Variants in GALNT2 observed in about 807,000 individuals in gnomAD.
GALNT2 encodes polypeptide N-acetylgalactosaminyltransferase 2.
A neutral mutation model predicts 81.4 loss-of-function variants in GALNT2; 31 were observed. That is an observed-to-expected ratio of 0.38 (90% CI 0.29 to 0.51). GALNT2 has a LOEUF of 0.51. GALNT2 is among the 20% of genes least tolerant of loss of function. The probability of loss-of-function intolerance (pLI) is 0.87; values close to 1 mark genes in which losing one functional copy is unlikely to be tolerated. For synonymous variants in GALNT2, 303 were observed against 287.4 expected (o/e 1.05, Z -0.55); for missense variants, 629 against 765.7 (o/e 0.82, Z 2.11).
At chr1:230,082,068 T>A (rs1329657406) in intron 1 of GALNT2, among the ~76,000 whole-genome samples, 1 of 152,188 alleles carries the variant, frequency 6.6e-6, no homozygotes, top group African/African-American at 2.4e-5. Context: ...GACCTGCAGG[T>A]CAGTGGTGAC....
chr1:230,233,030 T>G (rs1664915268), intron 3 of GALNT2, among the ~76,000 whole-genome samples: 1 of 152,232 alleles, frequency 6.6e-6, no homozygotes, highest in African/African-American at 2.4e-5. Flanking sequence ...TTTTCATGTT[T>G]ATTTTCAAAA....
At chr1:230,077,764 A>G (rs1012440474) in intron 1 of GALNT2, among the ~76,000 whole-genome samples, 3 of 152,236 alleles carry the variant, frequency 2.0e-5, no homozygotes, top group Admixed American at 2.0e-4. Context: ...AAAAAAATCC[A>G]TAAAAATACT....
intron 3 of GALNT2, among the ~76,000 whole-genome samples, chr1:230,223,946 G>A (rs1664631810): frequency 6.6e-6 from 1 of 152,226 alleles, no homozygotes; most frequent in African/African-American, 2.4e-5. Flanking sequence ...CTTTTGTGGG[G>A]AGAACTGCAA....
chr1:230,256,902 C>CA (rs1665732698), intron 11 of GALNT2, among the ~76,000 whole-genome samples: 1 of 152,124 alleles, frequency 6.6e-6, no homozygotes, highest in Non-Finnish European at 1.5e-5. Flanking sequence ...GAGAGGTTTT[C>CA]ATGGTCAAGA....
At chr1:230,265,409 G>T (rs552007623) in intron 14 of GALNT2, 42 bp downstream of exon 14, 1 of 1,613,258 alleles carries the variant, frequency 6.2e-7, no homozygotes. Context: ...GGCCCAGAGA[G>T]AGCAGGAGTT....
intron 14 of GALNT2, among the ~76,000 whole-genome samples, chr1:230,274,229 C>CA (rs1666224254): frequency 6.6e-6 from 1 of 152,236 alleles, no homozygotes; most frequent in Non-Finnish European, 1.5e-5. Flanking sequence ...ATCACTCAGC[C>CA]AACTTACTGC....
rs191925117 is a variant in GALNT2 at position 230,246,895 on chromosome 1, A to T, written c.817+745A>T. On this transcript the variant is annotated intron_variant, in intron 8 of 15. Transcript: ENST00000366672. ...GAACTATTCTAGATAGACACTGGGCAGAGGGTTAACTGATGGTCTAACATC... is the reference window on the plus strand; with the variant it reads ...GAACTATTCTAGATAGACACTGGGCTGAGGGTTAACTGATGGTCTAACATC... Among the ~76,000 whole-genome samples the T allele has an allele frequency of 5.3e-3, 809 of 152,246 alleles. 4 individuals are homozygous for T. The highest frequency in any genetic ancestry group is 8.1e-3 in the Non-Finnish European group (548 of 68,024).
At chr1:230,204,251 T>C (rs1426857002) in intron 3 of GALNT2, among the ~76,000 whole-genome samples, 1 of 151,704 alleles carries the variant, frequency 6.6e-6, no homozygotes, top group Non-Finnish European at 1.5e-5. Context: ...CAACCTCTAC[T>C]CCTCTACTTC....
At chr1:230,076,910 G>A (rs540630295) in intron 1 of GALNT2, among the ~76,000 whole-genome samples, 1 of 152,282 alleles carries the variant, frequency 6.6e-6, no homozygotes, top group East Asian at 1.9e-4. Context: ...CTGCGTCAGA[G>A]ACCAGTCCAG....
At chr1:230,145,357 C>T (rs987150224) in intron 1 of GALNT2, among the ~76,000 whole-genome samples, 4 of 152,202 alleles carry the variant, frequency 2.6e-5, no homozygotes, top group African/African-American at 4.8e-5. Context: ...CTCTGGCAGT[C>T]GGGCCTGGGC....
intron 1 of GALNT2, among the ~76,000 whole-genome samples, chr1:230,155,340 T>C (rs566700219): frequency 1.3e-5 from 2 of 152,214 alleles, no homozygotes; most frequent in South Asian, 4.1e-4. Flanking sequence ...GGGCCCTGCC[T>C]GCAGCCGCTG....
chr1:230,188,703 A>G (rs1325288585), intron 2 of GALNT2, among the ~76,000 whole-genome samples: 1 of 152,100 alleles, frequency 6.6e-6, no homozygotes, highest in Admixed American at 6.5e-5. Context: ...TTTTGCCCAT[A>G]AACTCTGTGA....
intron 1 of GALNT2, among the ~76,000 whole-genome samples, chr1:230,083,867 G>T (rs72648055): frequency 5.2e-4 from 79 of 152,228 alleles, no homozygotes; most frequent in African/African-American, 1.9e-3. Context: ...GAAGGGGGCC[G>T]GAGGGGGCCC....
At chr1:230,133,893 T>C (rs954038877) in intron 1 of GALNT2, among the ~76,000 whole-genome samples, 5 of 152,194 alleles carry the variant, frequency 3.3e-5, no homozygotes, top group African/African-American at 9.7e-5. Flanking sequence ...TTTTAGGTAA[T>C]ATTTTCCCCA....
chr1:230,067,145 A>C, upstream of GALNT2: 2 of 299,678 alleles, frequency 6.7e-6, no homozygotes, highest in African/African-American at 2.3e-5. Context: ...GCCGAGCAGT[A>C]GCACCGCGCG....
chr1:230,232,205 C>T (rs1664885971), intron 3 of GALNT2, among the ~76,000 whole-genome samples: 1 of 152,214 alleles, frequency 6.6e-6, no homozygotes, highest in South Asian at 2.1e-4. Flanking sequence ...CACACACTCA[C>T]TCTAACTCTG....
chr1:230,146,452 G>A lies in GALNT2; in HGVS notation c.127-31766G>A, dbSNP rs114541496. ...TTCATTTCCTCTGGAGGTGTTGATC[G>A]GAGGCCACTGCCTGCCTCCCTTCCT... On this transcript the variant is annotated intron_variant, in intron 1 of 15. Transcript: ENST00000366672. Among the ~76,000 whole-genome samples, 649 of 150,566 alleles carry A rather than the reference G, an allele frequency of 4.3e-3. 4 individuals are homozygous for A. The highest frequency in any genetic ancestry group is 0.015 in the African/African-American group (609 of 40,892).
At chr1:230,088,758 T>C (rs1452933124) in intron 1 of GALNT2, among the ~76,000 whole-genome samples, 1 of 152,044 alleles carries the variant, frequency 6.6e-6, no homozygotes, top group Non-Finnish European at 1.5e-5. Context: ...AGGCTGGTCT[T>C]GATCTCCTGA....
intron 1 of GALNT2, among the ~76,000 whole-genome samples, chr1:230,175,003 G>A (rs79249024): frequency 0.091 from 13,875 of 152,250 alleles, 709 homozygotes; most frequent in South Asian, 0.19. Context: ...ACGCTTGTCT[G>A]TGGGTGTCTT....
Sources: gnomAD v4.1 joint callset for allele counts (sites outside exome capture counted in the v4.1 genomes callset) on GRCh38, gnomAD v4.1.1 for gene constraint, MANE v1.5 for transcripts, NCBI Gene and HGNC (gene_info 2026-07-23, HGNC 2026-07-21) for gene names.